Variants in PCSK5 observed in about 807,000 individuals in gnomAD.
The protein encoded by PCSK5 is proprotein convertase subtilisin/kexin type 5.
PCSK5 carries 129 observed loss-of-function variants against 233.2 expected under a neutral mutation model. The observed-to-expected ratio is 0.55, with a 90% confidence interval of 0.48 to 0.64. The LOEUF (loss-of-function observed/expected upper bound fraction) is 0.64. Ranked by LOEUF, PCSK5 falls within the 30% of genes least tolerant of loss-of-function variation. The pLI is 0.00. For missense variants in PCSK5, 2,076 were observed against 2,430.1 expected, an observed-to-expected ratio of 0.85 and a Z score of 3.06; for synonymous variants, 825 against 879.2, an observed-to-expected ratio of 0.94 and a Z score of 1.09.
chr9:75,997,606 A>C (rs1268214609), intron 3 of PCSK5, among the ~76,000 whole-genome samples: 1 of 152,218 alleles, frequency 6.6e-6, no homozygotes, highest in African/African-American at 2.4e-5. Flanking sequence ...GCAGAAGAAA[A>C]CTATTAATTA....
chr9:76,175,222 A>AAATGG (rs1823526270), intron 14 of PCSK5, 93 bp downstream of exon 14: 2 of 508,020 alleles, frequency 3.9e-6, no homozygotes, highest in South Asian at 2.5e-5. Context: ...GAATGGAATG[A>AAATGG]AATGGAATGG....
chr9:76,107,337 G>A lies in PCSK5; in HGVS notation c.1194G>A (p.Leu398=), dbSNP rs773950829. 6.2e-7 allele frequency: 1 copy of A among 1,612,768 alleles called. No individual in the cohort carries two copies. Residue 398 remains leucine, a synonymous_variant, in exon 9 of 38, where the codon CTG becomes CTA. Transcript: ENST00000674117. ...CCATGGCTGCAGGCATCATTGCGCTGGCCCTGGAAGCCAAGTAAGCCTTGA... is the reference window on the plus strand; with the variant it reads ...CCATGGCTGCAGGCATCATTGCGCTAGCCCTGGAAGCCAAGTAAGCCTTGA... ...SAPMAAGIIA[L]ALEANPFLTW...
intron 22 of PCSK5, among the ~76,000 whole-genome samples, chr9:76,235,476 CTTCTATTTTTTT>C (rs1406235192): frequency 6.6e-5 from 10 of 150,560 alleles, no homozygotes; most frequent in African/African-American, 2.4e-4. Flanking sequence ...ACTGACATTT[CTTCTATTTTTTT>C]TTCTATTTGA....
At chr9:76,292,151 C>G (rs1278963592) in intron 24 of PCSK5, 82 bp from the exon 25 acceptor site, 3 of 802,552 alleles carry the variant, frequency 3.7e-6, no homozygotes, top group Non-Finnish European at 6.6e-6. Context: ...GATTGTTTAT[C>G]TCAAGCTACA....
Position 75,994,244 on chromosome 9 carries a change from C to G in PCSK5, c.411+7999C>G, listed in dbSNP as rs571609304. ...TGACTCTACCCTTAAAGCCAATCCA[C>G]CACCAAGTCAAAGCTACTTTACCTC... is the stretch of plus-strand genomic sequence containing the variant. On this transcript the variant is annotated intron_variant, in intron 3 of 37. Transcript: ENST00000674117. Among the ~76,000 whole-genome samples, 5 of 152,114 alleles carry G rather than the reference C, an allele frequency of 3.3e-5. No homozygotes were observed. The South Asian group carries it at 6.2e-4, about 19-fold the overall frequency.
At chr9:76,297,167 G>A (rs7040027) in intron 27 of PCSK5, among the ~76,000 whole-genome samples, 3 of 151,986 alleles carry the variant, frequency 2.0e-5, no homozygotes, top group Non-Finnish European at 4.4e-5. Context: ...AGAGAGTCAC[G>A]GAGGGAAATG....
intron 33 of PCSK5, among the ~76,000 whole-genome samples, chr9:76,330,277 A>G (rs1225482440): frequency 2.0e-5 from 3 of 152,228 alleles, no homozygotes; most frequent in African/African-American, 2.4e-5. Flanking sequence ...TCAGGTTCCC[A>G]GGGATACTGT....
chr9:75,916,661 G>A (rs1823011190), intron 1 of PCSK5, among the ~76,000 whole-genome samples: 1 of 152,110 alleles, frequency 6.6e-6, no homozygotes, highest in South Asian at 2.1e-4. Flanking sequence ...GAGGCTGGAA[G>A]GAAGGCCAGT....
At chr9:76,219,206 G>A (rs552584129) in intron 20 of PCSK5, among the ~76,000 whole-genome samples, 3 of 152,120 alleles carry the variant, frequency 2.0e-5, no homozygotes, top group Non-Finnish European at 4.4e-5. Context: ...AAGTCAGGGC[G>A]TAAAGAAATA....
At chr9:76,156,303 C>T (rs1393880043) in intron 10 of PCSK5, among the ~76,000 whole-genome samples, 1 of 152,148 alleles carries the variant, frequency 6.6e-6, no homozygotes, top group Non-Finnish European at 1.5e-5. Flanking sequence ...ATGTCAAATT[C>T]AGCTTTAGAT....
At chr9:76,275,422 G>A (rs56366936) in intron 24 of PCSK5, among the ~76,000 whole-genome samples, 1 of 151,892 alleles carries the variant, frequency 6.6e-6, no homozygotes, top group Non-Finnish European at 1.5e-5. Context: ...TTTTTTGGGG[G>A]TTTTTTGTTT....
At chr9:75,956,932 T>C (rs1825120330) in intron 2 of PCSK5, among the ~76,000 whole-genome samples, 1 of 152,008 alleles carries the variant, frequency 6.6e-6, no homozygotes, top group Admixed American at 6.6e-5. Context: ...AAGTATTATT[T>C]CTCCCCAGCA....
intron 24 of PCSK5, among the ~76,000 whole-genome samples, chr9:76,247,245 G>A (rs537028130): frequency 9.8e-5 from 15 of 152,318 alleles, no homozygotes; most frequent in African/African-American, 2.9e-4. Flanking sequence ...AGTGGTGGAC[G>A]CGAGCGAAAC....
At chr9:76,016,380 G>GT (rs1165983888) in intron 3 of PCSK5, among the ~76,000 whole-genome samples, 1 of 152,228 alleles carries the variant, frequency 6.6e-6, no homozygotes, top group Non-Finnish European at 1.5e-5. Context: ...TTGGAATGTA[G>GT]TAAGTGAGAA....
At chr9:76,308,791 G>C in intron 29 of PCSK5, 63 bp downstream of exon 29, 1 of 1,016,390 alleles carries the variant, frequency 9.8e-7, no homozygotes, top group Non-Finnish European at 1.5e-6. Context: ...CTCATGTGTA[G>C]TGGCATCTTG....
chr9:76,025,670 A>G (rs1828393061), intron 4 of PCSK5, among the ~76,000 whole-genome samples: 1 of 152,126 alleles, frequency 6.6e-6, no homozygotes, highest in Admixed American at 6.6e-5. Context: ...GTGACCCCAT[A>G]TCTTTGTGGT....
At chr9:76,283,730 G>T (rs759567022) in intron 24 of PCSK5, among the ~76,000 whole-genome samples, 28 of 152,204 alleles carry the variant, frequency 1.8e-4, no homozygotes, top group Admixed American at 3.9e-4. Context: ...GATCTAGAAA[G>T]TTTGCTCCGG....
chr9:76,275,772 T>G (rs1827670944), intron 24 of PCSK5, among the ~76,000 whole-genome samples: 1 of 152,210 alleles, frequency 6.6e-6, no homozygotes, highest in Non-Finnish European at 1.5e-5. Context: ...GAATCATAAC[T>G]TGGCTTCTTT....
At chr9:75,969,889 T>C (rs997364812) in intron 2 of PCSK5, among the ~76,000 whole-genome samples, 18 of 150,600 alleles carry the variant, frequency 1.2e-4, no homozygotes, top group African/African-American at 4.2e-4. Context: ...TTTTTTTTTT[T>C]CTGAGATGGA....
Sources: gnomAD v4.1 joint callset for allele counts (sites outside exome capture counted in the v4.1 genomes callset) on GRCh38, gnomAD v4.1.1 for gene constraint, MANE v1.5 for transcripts, NCBI Gene and HGNC (gene_info 2026-07-23, HGNC 2026-07-21) for gene names.